Variants in ZBTB46 observed in about 807,000 individuals in gnomAD.
ZBTB46 encodes the protein zinc finger and BTB domain-containing protein 46.
In ZBTB46, 8 loss-of-function variants were observed where a neutral mutation model predicts 44.1. The ratio of observed to expected loss-of-function variants is 0.18; its 90% CI spans 0.11 to 0.33. ZBTB46 has a LOEUF of 0.33. Ranked by LOEUF, ZBTB46 falls within the 10% of genes least tolerant of loss-of-function variation. The probability of loss-of-function intolerance (pLI) is 1.00; values close to 1 mark genes in which losing one functional copy is unlikely to be tolerated. For synonymous variants in ZBTB46, 409 were observed against 382.3 expected (o/e 1.07, Z -0.81); for missense variants, 651 against 847.7 (o/e 0.77, Z 2.88).
At chr20:63,766,205 C>CTTT (rs10525501) in intron 3 of ZBTB46, among the ~76,000 whole-genome samples, 3 of 81,702 alleles carry the variant, frequency 3.7e-5, no homozygotes, top group Non-Finnish European at 4.5e-5. Flanking sequence ...CTGAGAGATC[C>CTTT]TTTTTTTTTT....
At chr20:63,828,540 T>C (rs1055015405) in intron 1 of ZBTB46, among the ~76,000 whole-genome samples, 21 of 152,030 alleles carry the variant, frequency 1.4e-4, no homozygotes, top group African/African-American at 5.1e-4. Context: ...TAGAGGGAAG[T>C]ATCAACCATC....
At chr20:63,829,116 G>C (rs948988350) in intron 1 of ZBTB46, among the ~76,000 whole-genome samples, 1 of 152,204 alleles carries the variant, frequency 6.6e-6, no homozygotes, top group African/African-American at 2.4e-5. Context: ...CGTTCACAGG[G>C]TTTACCTCCT....
intron 2 of ZBTB46, among the ~76,000 whole-genome samples, chr20:63,784,517 G>A (rs1361134032): frequency 6.6e-6 from 1 of 152,184 alleles, no homozygotes; most frequent in Non-Finnish European, 1.5e-5. Flanking sequence ...ATTTAGTTGG[G>A]GCACCTGGGC....
In ZBTB46 at chr20:63,777,370, G is replaced by A. The variant is rs541929228; in HGVS notation, c.938-1408C>T. On this transcript the variant is annotated intron_variant, in intron 2 of 4. Transcript: ENST00000245663. ...TGGTCCTAGCTACTCAGGAGGCTGC[G>A]GCGGGAGGATCACTTGAGCCTGAGA... Among the ~76,000 whole-genome samples the A allele has an allele frequency of 4.6e-5, 7 of 152,336 alleles. No individual in the cohort carries two copies. In the East Asian group the frequency reaches 7.7e-4, roughly 17 times the overall value.
chr20:63,824,112 G>A (rs1320804840), intron 1 of ZBTB46, among the ~76,000 whole-genome samples: 2 of 152,004 alleles, frequency 1.3e-5, no homozygotes, highest in South Asian at 2.1e-4. Flanking sequence ...AAGCAGACAC[G>A]TCCCACCTAA....
In ZBTB46 at chr20:63,790,105, G is replaced by A; in HGVS notation, c.653C>T (p.Pro218Leu). ...CAGAGGCCCGTAGCCCACGTCTCCA[G>A]GCCATAGAGGCTGTGAAGAAACATC... ...PDDVSSQPLWPGDVGYGPLRI... is the reference protein window; with the variant it reads ...PDDVSSQPLWLGDVGYGPLRI... The change falls in exon 2 of 5, where the codon CCT (proline) becomes CTT (leucine). Residue 218 changes from proline to leucine, a missense_variant. Transcript: ENST00000245663. 1 of 1,614,058 alleles carries A rather than the reference G, an allele frequency of 6.2e-7. No homozygotes were observed. Among genetic ancestry groups the A allele is most frequent in the Non-Finnish European group, 8.5e-7 (1 of 1,180,038 alleles).
At chr20:63,764,459 A>G (rs983530605) in intron 3 of ZBTB46, among the ~76,000 whole-genome samples, 7 of 152,094 alleles carry the variant, frequency 4.6e-5, no homozygotes, top group Middle Eastern at 3.4e-3. Flanking sequence ...ATTGTGATGA[A>G]TATTTTTGTT....
chr20:63,804,485 T>C (rs1010040533), intron 1 of ZBTB46, among the ~76,000 whole-genome samples: 1 of 152,070 alleles, frequency 6.6e-6, no homozygotes, highest in African/African-American at 2.4e-5. Context: ...TCACTGTTCT[T>C]ACACTGACAG....
intron 2 of ZBTB46, among the ~76,000 whole-genome samples, chr20:63,776,619 C>T (rs911406335): frequency 6.6e-6 from 1 of 152,054 alleles, no homozygotes; most frequent in Non-Finnish European, 1.5e-5. Flanking sequence ...GCCTGGCCAA[C>T]ATGGTGAAAC....
At chr20:63,808,413 G>A (rs1228541121) in intron 1 of ZBTB46, among the ~76,000 whole-genome samples, 9 of 152,206 alleles carry the variant, frequency 5.9e-5, no homozygotes, top group East Asian at 1.9e-4. Context: ...GGGCGGAAGC[G>A]GGGCCAGGGC....
intron 2 of ZBTB46, among the ~76,000 whole-genome samples, chr20:63,785,205 C>CT (rs1480587079): frequency 7.6e-6 from 1 of 132,022 alleles, no homozygotes. Context: ...GCACTCCAGC[C>CT]CGGCAACAGA....
chr20:63,749,609 T>G (rs1467146694), intron 4 of ZBTB46, among the ~76,000 whole-genome samples: 14 of 152,258 alleles, frequency 9.2e-5, no homozygotes, highest in Non-Finnish European at 1.8e-4. Flanking sequence ...GTGCTGGGAT[T>G]ACAGGCGTCA....
At chr20:63,791,994 G>A (rs539761333) in intron 1 of ZBTB46, among the ~76,000 whole-genome samples, 150 of 152,318 alleles carry the variant, frequency 9.8e-4, no homozygotes, top group African/African-American at 3.2e-3. Context: ...CCCAGCCGGC[G>A]TTCTGTGTGG....
intron 1 of ZBTB46, among the ~76,000 whole-genome samples, chr20:63,826,968 G>A (rs1289806226): frequency 6.6e-6 from 1 of 152,174 alleles, no homozygotes; most frequent in Admixed American, 6.5e-5. Flanking sequence ...ACCAGGACCG[G>A]ATGACTGCCA....
chr20:63,791,619 G>A (rs1416231347), intron 1 of ZBTB46, among the ~76,000 whole-genome samples: 1 of 152,104 alleles, frequency 6.6e-6, no homozygotes, highest in African/African-American at 2.4e-5. Context: ...GAAGTCTTCT[G>A]GAGGAGGGAG....
At chr20:63,822,782 G>C (rs538618261) in intron 1 of ZBTB46, among the ~76,000 whole-genome samples, 7 of 152,176 alleles carry the variant, frequency 4.6e-5, no homozygotes, top group African/African-American at 7.2e-5. Flanking sequence ...GGGAGGCTGA[G>C]GCAGGATGAA....
intron 1 of ZBTB46, among the ~76,000 whole-genome samples, chr20:63,827,435 G>A (rs186732005): frequency 4.9e-4 from 75 of 151,552 alleles, no homozygotes; most frequent in Middle Eastern, 3.4e-3. Context: ...GTGAAACCCC[G>A]TCTCTACTAA....
chr20:63,802,155 G>A (rs746320835), intron 1 of ZBTB46, among the ~76,000 whole-genome samples: 1 of 152,120 alleles, frequency 6.6e-6, no homozygotes, highest in Non-Finnish European at 1.5e-5. Context: ...GGACACGATG[G>A]CTCACACCTG....
In ZBTB46 at chr20:63,790,061, C is replaced by G; in HGVS notation, c.697G>C (p.Val233Leu). 6.2e-7 allele frequency: 1 copy of G among 1,614,056 alleles called. No homozygotes were observed. Among genetic ancestry groups the G allele is most frequent in the Non-Finnish European group, 8.5e-7 (1 of 1,180,008 alleles). The part of the protein sequence containing the change: ...YGPLRIKEEQ[V>L]SPSQYGGSEL... Reference sequence around the variant, plus strand: ...CTCCCTCCGTACTGAGACGGTGAAACCTGCTCTTCCTTGATGCGCAGAGGC... The same window carrying G: ...CTCCCTCCGTACTGAGACGGTGAAAGCTGCTCTTCCTTGATGCGCAGAGGC... Residue 233 changes from valine (V) to leucine (L), a missense_variant, in exon 2 of 5, where the codon GTT (valine) becomes CTT (leucine). Around this residue, in one of 5 missense-constraint regions of ZBTB46, gnomAD observed 385 missense variants for 423.3 expected, o/e 0.91. Coordinates refer to ENST00000245663, the MANE Select transcript of ZBTB46 (RefSeq NM_001369741.1).
Sources: gnomAD v4.1 joint callset for allele counts (sites outside exome capture counted in the v4.1 genomes callset) on GRCh38, gnomAD v4.1.1 for gene constraint, gnomAD v4.1.1 regional missense constraint, MANE v1.5 for transcripts, NCBI Gene and HGNC (gene_info 2026-07-23, HGNC 2026-07-21) for gene names.